Variants in CCDC158 observed in about 807,000 individuals in gnomAD.
CCDC158 encodes the protein coiled-coil domain containing 158, also known as coiled-coil domain-containing protein 158.
A neutral mutation model predicts 138.6 loss-of-function variants in CCDC158; 116 were observed. That is an observed-to-expected ratio of 0.84 (90% CI 0.72 to 0.98). The LOEUF is 0.98. Ranked by LOEUF, CCDC158 falls within the 50% of genes least tolerant of loss-of-function variation. The pLI is 0.00. For missense variants in CCDC158, 1,265 were observed against 1,306.1 expected, an observed-to-expected ratio of 0.97 and a Z score of 0.48; for synonymous variants, 436 against 442.4, an observed-to-expected ratio of 0.99 and a Z score of 0.18.
intron 9 of CCDC158, among the ~76,000 whole-genome samples, chr4:76,378,479 A>G (rs993639958): frequency 2.6e-5 from 4 of 152,172 alleles, no homozygotes; most frequent in Admixed American, 2.0e-4. Context: ...ATGACTAAAT[A>G]TAGACTTTAT....
chr4:76,407,190 T>C (rs1407201937), intron 2 of CCDC158: 1 of 152,166 alleles, frequency 6.6e-6, no homozygotes, highest in Non-Finnish European at 1.5e-5. Flanking sequence ...TAACAGTTTT[T>C]ATTAAACGGA....
chr4:76,340,144 G>T (rs993477265), intron 18 of CCDC158, among the ~76,000 whole-genome samples: 2 of 152,210 alleles, frequency 1.3e-5, no homozygotes, highest in African/African-American at 4.8e-5. Flanking sequence ...GTTCAAGTTG[G>T]CAGATAAAGG....
intron 4 of CCDC158, among the ~76,000 whole-genome samples, chr4:76,385,484 G>C (rs2110316973): frequency 6.6e-6 from 1 of 152,256 alleles, no homozygotes; most frequent in Non-Finnish European, 1.5e-5. Context: ...TAAGTGATCA[G>C]GGGAGAAAGG....
At chr4:76,381,597 T>C (rs112803246) in intron 8 of CCDC158, among the ~76,000 whole-genome samples, 4,480 of 152,320 alleles carry the variant, frequency 0.029, 216 homozygotes, top group African/African-American at 0.1. Context: ...AACGGACTTA[T>C]TTTGTCTCAG....
At chr4:76,335,748 C>T (rs1016338910) in intron 18 of CCDC158, among the ~76,000 whole-genome samples, 2 of 152,064 alleles carry the variant, frequency 1.3e-5, no homozygotes, top group Non-Finnish European at 2.9e-5. Context: ...GACCAGCTAA[C>T]TTTTTTGTAG....
chr4:76,346,807 T>C (rs1722593772), intron 18 of CCDC158, among the ~76,000 whole-genome samples: 1 of 152,036 alleles, frequency 6.6e-6, no homozygotes, highest in African/African-American at 2.4e-5. Context: ...ATCCAGAATC[T>C]ACAAAAAACT....
At chr4:76,330,306 C>T (rs1720902390) in intron 21 of CCDC158, among the ~76,000 whole-genome samples, 1 of 152,108 alleles carries the variant, frequency 6.6e-6, no homozygotes, top group Admixed American at 6.5e-5. Flanking sequence ...TCTGAGTCTT[C>T]ATTTCTAAGG....
intron 24 of CCDC158, among the ~76,000 whole-genome samples, chr4:76,321,367 A>G (rs572895088): frequency 4.3e-4 from 65 of 152,104 alleles, no homozygotes; most frequent in Non-Finnish European, 8.1e-4. Context: ...AGATTTCTTA[A>G]ACAACTAAAA....
At chr4:76,385,796 A>T (rs1274622956) in intron 4 of CCDC158, among the ~76,000 whole-genome samples, 1 of 152,234 alleles carries the variant, frequency 6.6e-6, no homozygotes, top group East Asian at 1.9e-4. Flanking sequence ...TGAATGAAAA[A>T]AAACAAAAAT....
chr4:76,396,451 C>T lies in CCDC158; in HGVS notation c.106G>A (p.Gly36Ser). 2 of 1,612,474 alleles carry T rather than the reference C, an allele frequency of 1.2e-6. No homozygotes were observed. The highest frequency in any genetic ancestry group is 1.7e-6 in the Non-Finnish European group (2 of 1,179,542). The change falls in exon 4 of 25, where the codon GGT becomes AGT. Residue 36 changes from glycine to serine, a missense_variant. By Grantham distance (56) the Gly-to-Ser change is moderately conservative (BLOSUM62 0). Coordinates refer to ENST00000682701, the MANE Select transcript of CCDC158 (RefSeq NM_001394954.1). ...GAAGATGTGTTTTCAATTATTGTAC[C>T]ACGAATAGATGACACAAAAAATGAA... ...SSSFFVSSIRGTIIENTSSAG... is the reference protein window; with the variant it reads ...SSSFFVSSIRSTIIENTSSAG...
At chr4:76,411,833 C>G (rs1350324038) in intron 2 of CCDC158, among the ~76,000 whole-genome samples, 1 of 152,160 alleles carries the variant, frequency 6.6e-6, no homozygotes, top group Non-Finnish European at 1.5e-5. Flanking sequence ...GCGCCACACA[C>G]CCTCCTCTCT....
chr4:76,362,077 A>T, intron 13 of CCDC158, 49 bp downstream of exon 13: 1 of 1,524,920 alleles, frequency 6.6e-7, no homozygotes, highest in Non-Finnish European at 9.0e-7. Flanking sequence ...CATTGGCTTC[A>T]CTGCTAAGAC....
chr4:76,421,031 C>G lies in CCDC158; in HGVS notation c.-183G>C, dbSNP rs1730080734. On this transcript the variant is annotated 5_prime_UTR_variant, in exon 1 of 25. Coordinates refer to ENST00000682701, the MANE Select transcript of CCDC158 (RefSeq NM_001394954.1). ...GCGGGGCGCCGGCGGGCGCAGCGGCCCCACCTACGTCGACCTGGCGGCTGG... is the reference window on the plus strand; with the variant it reads ...GCGGGGCGCCGGCGGGCGCAGCGGCGCCACCTACGTCGACCTGGCGGCTGG... Among the ~76,000 whole-genome samples, 1 of 152,020 alleles carries G rather than the reference C, an allele frequency of 6.6e-6. No homozygotes were observed. Among genetic ancestry groups the G allele is most frequent in the Admixed American group, 6.5e-5 (1 of 15,284 alleles).
At chr4:76,368,716 G>A (rs1353522171) in intron 11 of CCDC158, among the ~76,000 whole-genome samples, 6 of 152,074 alleles carry the variant, frequency 3.9e-5, no homozygotes, top group Non-Finnish European at 8.8e-5. Flanking sequence ...TCTCTTTTGG[G>A]AGAAAAATAA....
intron 4 of CCDC158, among the ~76,000 whole-genome samples, chr4:76,395,264 A>C (rs1376801744): frequency 1.3e-5 from 2 of 152,174 alleles, no homozygotes; most frequent in African/African-American, 4.8e-5. Flanking sequence ...CAGACTATGA[A>C]TTCCTTGTAA....
At chr4:76,412,625 G>A (rs891294672) in intron 1 of CCDC158, among the ~76,000 whole-genome samples, 1 of 152,114 alleles carries the variant, frequency 6.6e-6, no homozygotes, top group Non-Finnish European at 1.5e-5. Context: ...GGTGGCATGT[G>A]CCTGTAATCC....
At chr4:76,329,877 A>G (rs1449666043) in intron 21 of CCDC158, among the ~76,000 whole-genome samples, 1 of 152,228 alleles carries the variant, frequency 6.6e-6, no homozygotes, top group Non-Finnish European at 1.5e-5. Flanking sequence ...GCATTTAATC[A>G]CAACAGATTA....
intron 22 of CCDC158, 66 bp from the exon 23 acceptor site, chr4:76,326,081 A>C: frequency 2.7e-5 from 35 of 1,288,898 alleles, no homozygotes; most frequent in East Asian, 4.7e-5. Flanking sequence ...TGCACCTCTC[A>C]AAAAGTCAAG....
At chr4:76,322,768 G>A (rs1038438812) in intron 24 of CCDC158, among the ~76,000 whole-genome samples, 2 of 152,174 alleles carry the variant, frequency 1.3e-5, no homozygotes, top group Admixed American at 6.5e-5. Context: ...AAAGCTGCTG[G>A]TCATCTGCAG....
Sources: gnomAD v4.1 joint callset for allele counts (sites outside exome capture counted in the v4.1 genomes callset) on GRCh38, gnomAD v4.1.1 for gene constraint, MANE v1.5 for transcripts, NCBI Gene and HGNC (gene_info 2026-07-23, HGNC 2026-07-21) for gene names.